EFR3B: variants seen among roughly 807,000 people sequenced by gnomAD.
The protein encoded by EFR3B is EFR3 homolog B.
Under a neutral mutation model 104.7 loss-of-function variants are expected in EFR3B, and 64 were observed. The observed-to-expected ratio is 0.61, with a 90% CI of 0.50 to 0.75. The LOEUF is 0.75. EFR3B is among the 30% of genes least tolerant of loss of function. The probability of loss-of-function intolerance (pLI) is 0.00; values close to 1 mark genes in which losing one functional copy is unlikely to be tolerated. For missense variants in EFR3B, 750 were observed against 1,078.5 expected, an observed-to-expected ratio of 0.70 and a Z score of 4.27; for synonymous variants, 385 against 417.9, an observed-to-expected ratio of 0.92 and a Z score of 0.96.
At chr2:25,064,144 C>T (rs888446770) in intron 1 of EFR3B, among the ~76,000 whole-genome samples, 2 of 152,194 alleles carry the variant, frequency 1.3e-5, no homozygotes, top group Non-Finnish European at 2.9e-5. Flanking sequence ...TCTTTGGCAC[C>T]GTGACCACCC....
Position 25,114,447 on chromosome 2 carries a change from G to A in EFR3B, c.364-7226G>A, listed in dbSNP as rs1573212516. On this transcript the variant is annotated intron_variant, in intron 4 of 22. Transcript: ENST00000403714. This position sits in a 1 kb window ranked among gnomAD's most constrained non-coding sequence, Gnocchi z 4.0. ...GGTGCTTATTTTATTAGATAGCCCT[G>A]TTGCACACACCACTTCTCCACGGGA... 1.3e-5 allele frequency among the ~76,000 whole-genome samples: 2 copies of A among 152,236 alleles called. No homozygotes were observed. The highest frequency in any genetic ancestry group is 2.9e-5 in the Non-Finnish European group (2 of 68,046).
At chr2:25,148,974 GA>G (rs1200362548) in intron 19 of EFR3B, among the ~76,000 whole-genome samples, 1 of 144,328 alleles carries the variant, frequency 6.9e-6, no homozygotes, top group Non-Finnish European at 1.5e-5. Flanking sequence ...TTCAGTTCCT[GA>G]AATTTACATC....
At chr2:25,080,125 T>G (rs1419566352) in intron 1 of EFR3B, 3 of 1,070,192 alleles carry the variant, frequency 2.8e-6, no homozygotes, top group Non-Finnish European at 4.4e-6. Flanking sequence ...GACTATACCC[T>G]GTGCAATAAC....
At chr2:25,152,062 C>G in intron 21 of EFR3B, 42 bp downstream of exon 21, 1 of 1,541,148 alleles carries the variant, frequency 6.5e-7, no homozygotes, top group East Asian at 2.5e-5. Context: ...GGAGCCAAGT[C>G]AAGACTGAAT....
In EFR3B at chr2:25,158,699, G is replaced by A. The variant is rs1012089349; in HGVS notation, c.*4359G>A. Reference sequence around the variant, plus strand: ...TGGCCAGGTCTCCTGTACTTCAGGGGACCATGGGGCCGCCCAAGCCAGTCA... The same window carrying A: ...TGGCCAGGTCTCCTGTACTTCAGGGAACCATGGGGCCGCCCAAGCCAGTCA... On this transcript the variant is annotated 3_prime_UTR_variant, in exon 23 of 23. Transcript: ENST00000403714. 2 of 152,178 alleles carry A rather than the reference G, an allele frequency of 1.3e-5. No individual in the cohort carries two copies. Among genetic ancestry groups the A allele is most frequent in the Non-Finnish European group, 1.5e-5 (1 of 68,052 alleles). The allele number at this position is 152,178 out of a possible 1,614,324, so 9.4% of individuals were successfully genotyped here.
chr2:25,152,735 A>T (rs1007654995), intron 21 of EFR3B, among the ~76,000 whole-genome samples: 4 of 152,124 alleles, frequency 2.6e-5, no homozygotes, highest in Non-Finnish European at 5.9e-5. Context: ...AACTGTAAAC[A>T]TTCAAAATCT....
In EFR3B at chr2:25,092,425, T is replaced by TAA. The variant is rs1553390378; in HGVS notation, c.85-577_85-576insAA. ...TCCTACACACACACACACACACACT[T>TAA]ACACACACACACACACACGGTATAT... is the stretch of plus-strand genomic sequence containing the variant. On this transcript the variant is annotated intron_variant, in intron 2 of 22. Transcript: ENST00000403714. Among the ~76,000 whole-genome samples the TAA allele has an allele frequency of 1.8e-4, 14 of 78,784 alleles. No individual in the cohort carries two copies. The Admixed American group carries it at 2.1e-3, about 12-fold the overall frequency. The allele number at this position is 78,784 out of a possible 152,430, so 51.7% of individuals were successfully genotyped here.
intron 5 of EFR3B, among the ~76,000 whole-genome samples, chr2:25,123,923 G>T (rs1454914039): frequency 1.3e-5 from 2 of 152,226 alleles, no homozygotes; most frequent in East Asian, 3.9e-4. Flanking sequence ...GGCTGCTGAG[G>T]TTGGCTCCCA....
chr2:25,105,251 C>T (rs1669531995), intron 4 of EFR3B, among the ~76,000 whole-genome samples: 1 of 152,194 alleles, frequency 6.6e-6, no homozygotes, highest in African/African-American at 2.4e-5. Flanking sequence ...CTCCTGGGTT[C>T]AAGTAATTCT....
chr2:25,044,714 A>G (rs557353130), intron 1 of EFR3B, among the ~76,000 whole-genome samples: 1 of 152,314 alleles, frequency 6.6e-6, no homozygotes, highest in East Asian at 1.9e-4. Context: ...GCTTTAGGTA[A>G]AGGTGTACCT....
intron 21 of EFR3B, among the ~76,000 whole-genome samples, chr2:25,152,813 AGTGTGTGTGTGTGTGTGTGT>A: frequency 7.1e-6 from 1 of 141,448 alleles, no homozygotes; most frequent in South Asian, 2.2e-4. Context: ...TTCATATAGA[AGTGTGTGTGTGTGTGTGTGT>A]GTGTGTGTGT....
chr2:25,065,894 C>T (rs1668322112), intron 1 of EFR3B, among the ~76,000 whole-genome samples: 1 of 152,090 alleles, frequency 6.6e-6, no homozygotes. Context: ...TGTCTCCTGC[C>T]TCTGAATGTC....
At chr2:25,082,105 A>G (rs1285466480) in intron 1 of EFR3B, among the ~76,000 whole-genome samples, 1 of 152,212 alleles carries the variant, frequency 6.6e-6, no homozygotes, top group African/African-American at 2.4e-5. Context: ...CCTCTGTCGC[A>G]AGGCTGCCAG....
At chr2:25,059,572 C>T (rs866881897) in intron 1 of EFR3B, among the ~76,000 whole-genome samples, 4 of 60,216 alleles carry the variant, frequency 6.6e-5, no homozygotes, top group Non-Finnish European at 1.3e-4. Context: ...CCAGGGACTG[C>T]GGGGGGGGGG....
chr2:25,145,204 G>A (rs1670782613), intron 19 of EFR3B, 153 bp downstream of exon 19: 2 of 691,424 alleles, frequency 2.9e-6, no homozygotes, highest in Non-Finnish European at 5.1e-6. Context: ...CCCCACGTAT[G>A]CGTCATAGAT....
At chr2:25,152,121 C>A in intron 21 of EFR3B, 101 bp downstream of exon 21, 1 of 1,157,938 alleles carries the variant, frequency 8.6e-7, no homozygotes. Flanking sequence ...GCTCTTTGAC[C>A]ACCAACCTCC....
chr2:25,083,644 A>C (rs1421813381), intron 1 of EFR3B, among the ~76,000 whole-genome samples: 1 of 152,172 alleles, frequency 6.6e-6, no homozygotes, highest in Non-Finnish European at 1.5e-5. Flanking sequence ...TCCAGCTCTC[A>C]ACTCGGAGAG....
At position 25,091,409 on chromosome 2, in the gene EFR3B, A is replaced by G; in HGVS notation, c.84+8A>G. On this transcript the variant is annotated splice_region_variant and intron_variant, in intron 2 of 22. Coordinates refer to ENST00000403714, the MANE Select transcript of EFR3B (RefSeq NM_014971.2). ...TTCCCTGAGGATCCCGAGGTGGGTC[A>G]TGTCTCTGGCAGGCATCGTGGCTCT... The G allele has an allele frequency of 6.5e-7, 1 of 1,547,956 alleles. No homozygotes were observed. Among genetic ancestry groups the G allele is most frequent in the Admixed American group, 2.0e-5 (1 of 50,328 alleles).
chr2:25,119,941 C>T (rs951579305), intron 4 of EFR3B, among the ~76,000 whole-genome samples: 1 of 152,050 alleles, frequency 6.6e-6, no homozygotes, highest in South Asian at 2.1e-4. Context: ...TCCTTTTTGA[C>T]CCAACACATG....
Sources: allele counts gnomAD v4.1 joint callset (sites outside exome capture counted in the v4.1 genomes callset), GRCh38; gene constraint gnomAD v4.1.1; non-coding constraint Gnocchi (gnomAD v3.1); transcripts MANE v1.5; gene names NCBI Gene and HGNC (gene_info 2026-07-23, HGNC 2026-07-21).